MEIOC: variants seen among roughly 807,000 people sequenced by gnomAD.
MEIOC encodes meiosis specific with coiled-coil domain.
In MEIOC, 9 loss-of-function variants were observed where a neutral mutation model predicts 85.3. The observed-to-expected ratio is 0.11, with a 90% CI of 0.06 to 0.18. The LOEUF is 0.18. Among genes scored for constraint, MEIOC ranks in the 10% least tolerant of loss-of-function variants. MEIOC has a pLI of 1.00. For missense variants in MEIOC, 898 were observed against 1,129.4 expected (o/e 0.80, Z 2.94); for synonymous variants, 365 against 393.7 (o/e 0.93, Z 0.86).
In MEIOC at chr17:44,668,002, C is replaced by T. The variant is rs754718819; in HGVS notation, c.2091C>T (p.Gly697=). The change falls in exon 5 of 8, where the codon GGC becomes GGT. Residue 697 remains glycine (G), a synonymous_variant. Transcript: ENST00000409122. ...CCCTAAGATCCACCCACCCATTTGG[C>T]CATTCAGTTGTTCCACTGTTGGATT... ...GFPLRSTHPF[G]HSVVPLLDSY... is the part of the protein sequence containing the mutation. 4 of 1,613,534 alleles carry T rather than the reference C, an allele frequency of 2.5e-6. No individual in the cohort carries two copies. The Admixed American group carries it at 6.7e-5, about 27-fold the overall frequency.
At chr17:44,658,619 A>G (rs1310848558) in intron 2 of MEIOC, among the ~76,000 whole-genome samples, 1 of 150,972 alleles carries the variant, frequency 6.6e-6, no homozygotes, top group African/African-American at 2.4e-5. Context: ...ACATGGCGAA[A>G]CCCCATCTCT....
In MEIOC at chr17:44,667,858, G is replaced by C. The variant is rs1293267360; in HGVS notation, c.1947G>C (p.Thr649=). The C allele has an allele frequency of 6.2e-7, 1 of 1,613,950 alleles. No homozygotes were observed. The highest frequency in any genetic ancestry group is 1.7e-5 in the Admixed American group (1 of 60,002). The change falls in exon 5 of 8, where the codon ACG becomes ACC. Residue 649 remains threonine, a synonymous_variant. Coordinates refer to ENST00000409122, the MANE Select transcript of MEIOC (RefSeq NM_001145080.3). The stretch of plus-strand genomic sequence containing the variant: ...AGGGTCATTCTAATAGCCACAGAAC[G>C]AGAGGTGGAGACAATAGCCGTGTGA... ...ESQGHSNSHR[T]RGGDNSRVNR... is the part of the protein sequence containing the mutation.
At chr17:44,665,550 T>G in intron 4 of MEIOC, 62 bp downstream of exon 4, 1 of 751,206 alleles carries the variant, frequency 1.3e-6, no homozygotes, top group Non-Finnish European at 1.9e-6. Flanking sequence ...TAGTTTACCC[T>G]GTTTATTAAC....
intron 2 of MEIOC, among the ~76,000 whole-genome samples, chr17:44,658,934 TC>T (rs1568131717): frequency 6.6e-6 from 1 of 152,170 alleles, no homozygotes; most frequent in African/African-American, 2.4e-5. Flanking sequence ...ATGTTTTTTT[TC>T]GTTCAGGCAT....
rs948734128 is a variant in MEIOC, at chr17:44,675,476, TGTTA to T, written c.*1283_*1286del. ...TGACTAGAAACACTGATGTTTTAAA[TGTTA>T]GTGTTTTTCTTAGTTTTAGAAATTC... On this transcript the variant is annotated 3_prime_UTR_variant, in exon 8 of 8. Coordinates refer to ENST00000409122, the MANE Select transcript of MEIOC (RefSeq NM_001145080.3). The T allele has an allele frequency of 5.9e-5, 57 of 960,906 alleles. No homozygotes were observed. Among genetic ancestry groups the T allele is most frequent in the Non-Finnish European group, 6.6e-5 (53 of 807,788 alleles). The allele number at this position is 960,906 out of a possible 1,614,324, so 59.5% of individuals were successfully genotyped here. A position where few individuals can be genotyped will look rare whatever the true frequency, so the allele number is the denominator to read the frequency against.
At chr17:44,673,135 C>G (rs1000745979) in intron 6 of MEIOC, 1 of 402,334 alleles carries the variant, frequency 2.5e-6, no homozygotes. Context: ...TTCATTGATG[C>G]TTATTTTCAG....
At chr17:44,664,117 T>G (rs1013572876) in intron 3 of MEIOC, among the ~76,000 whole-genome samples, 9 of 152,224 alleles carry the variant, frequency 5.9e-5, no homozygotes, top group Non-Finnish European at 1.3e-4. Flanking sequence ...ACGCCTGTAA[T>G]CCCAGCACTT....
At chr17:44,670,893 G>A (rs970434192) in intron 6 of MEIOC, 1 of 151,830 alleles carries the variant, frequency 6.6e-6, no homozygotes, top group Non-Finnish European at 1.5e-5. Context: ...AAGAATCCTC[G>A]TTAAGTCATT....
In MEIOC at chr17:44,667,782, A is replaced by T. The variant is rs765322147; in HGVS notation, c.1871A>T (p.Lys624Met). ...CATTATGATCCTGAGGAAGGTCCAAAGCATTTAGATGGCTTATCACAAAAT... is the reference window on the plus strand; with the variant it reads ...CATTATGATCCTGAGGAAGGTCCAATGCATTTAGATGGCTTATCACAAAAT... ...SGHYDPEEGP[K>M]HLDGLSQNTY... is the part of the protein sequence containing the mutation. The change falls in exon 5 of 8, where the codon AAG becomes ATG. Residue 624 changes from lysine to methionine, a missense_variant. Around this residue, in one of 2 missense-constraint regions of MEIOC, gnomAD observed 734 missense variants for 860.1 expected, o/e 0.85. Coordinates refer to ENST00000409122, the MANE Select transcript of MEIOC (RefSeq NM_001145080.3). 12 of 1,613,850 alleles carry T rather than the reference A, an allele frequency of 7.4e-6. No homozygotes were observed. The highest frequency in any genetic ancestry group is 1.0e-5 in the Non-Finnish European group (12 of 1,179,866).
At position 44,665,507 on chromosome 17, in the gene MEIOC, T is replaced by G; in HGVS notation, c.464+19T>G. 1 of 1,380,462 alleles carries G rather than the reference T, an allele frequency of 7.2e-7. No individual in the cohort carries two copies. Among genetic ancestry groups the G allele is most frequent in the Non-Finnish European group, 9.9e-7 (1 of 1,014,834 alleles). The allele number at this position is 1,380,462 out of a possible 1,614,324, so 85.5% of individuals were successfully genotyped here. On this transcript the variant is annotated intron_variant, in intron 4 of 7. Coordinates refer to ENST00000409122, the MANE Select transcript of MEIOC (RefSeq NM_001145080.3). ...CTGAAGGGTTAGTATATAATCTATA[T>G]AGTATATAACAGGCTTTTAAACTAA...
chr17:44,662,253 T>A, intron 2 of MEIOC, 64 bp from the exon 3 acceptor site: 1 of 1,230,652 alleles, frequency 8.1e-7, no homozygotes, highest in Non-Finnish European at 1.1e-6. Context: ...CTTTCTTATT[T>A]TTCTCATATT....
At chr17:44,672,543 A>G (rs1313781261) in intron 6 of MEIOC, among the ~76,000 whole-genome samples, 8 of 152,190 alleles carry the variant, frequency 5.3e-5, no homozygotes, top group Non-Finnish European at 7.4e-5. Flanking sequence ...ATATTCTCCA[A>G]TCAGTGAACA....
At chr17:44,656,772 G>C in intron 1 of MEIOC, 90 bp downstream of exon 1, 1 of 1,041,498 alleles carries the variant, frequency 9.6e-7, no homozygotes, top group Non-Finnish European at 1.3e-6. Context: ...CGCGTCCCTA[G>C]ACGGGGCGGC....
In MEIOC at chr17:44,668,242, A is replaced by G. The variant is rs749762084; in HGVS notation, c.2322+9A>G. On this transcript the variant is annotated intron_variant, in intron 5 of 7. Transcript: ENST00000409122. The stretch of plus-strand genomic sequence containing the variant: ...AAAAAGAGAGAAAAAAGGTAACACA[A>G]AGTTAACCACTTAGGAATAACAGTA... 6.3e-7 allele frequency: 1 copy of G among 1,583,856 alleles called. No homozygotes were observed. The highest frequency in any genetic ancestry group is 8.6e-7 in the Non-Finnish European group (1 of 1,167,726).
At chr17:44,662,076 G>C (rs1262067188) in intron 2 of MEIOC, among the ~76,000 whole-genome samples, 1 of 152,196 alleles carries the variant, frequency 6.6e-6, no homozygotes, top group Non-Finnish European at 1.5e-5. Context: ...TGCAGCATTA[G>C]AGTTGAAGAG....
intron 3 of MEIOC, chr17:44,665,137 G>A: frequency 9.7e-7 from 1 of 1,035,584 alleles, no homozygotes; most frequent in Non-Finnish European, 1.2e-6. Context: ...AGAAATAAGA[G>A]GTAAGCATGC....
At chr17:44,670,143 G>C (rs1296434057) in intron 6 of MEIOC, 2 of 151,504 alleles carry the variant, frequency 1.3e-5, no homozygotes, top group Non-Finnish European at 2.9e-5. Context: ...GGTGTCACAT[G>C]CTTATGCTAC....
At chr17:44,669,338 A>G (rs1433776401) in intron 5 of MEIOC, 45 bp from the exon 6 acceptor site, 1 of 1,444,674 alleles carries the variant, frequency 6.9e-7, no homozygotes, top group African/African-American at 1.4e-5. Context: ...TGGTCGAATC[A>G]TATTTAGAAA....
chr17:44,662,218 A>G (rs1971851370), intron 2 of MEIOC, 99 bp from the exon 3 acceptor site: 1 of 935,504 alleles, frequency 1.1e-6, no homozygotes, highest in African/African-American at 1.7e-5. Flanking sequence ...TAATTCTCCC[A>G]ACTCTTACAT....
Sources: gnomAD v4.1 joint callset for allele counts (sites outside exome capture counted in the v4.1 genomes callset) on GRCh38, gnomAD v4.1.1 for gene constraint, gnomAD v4.1.1 regional missense constraint, MANE v1.5 for transcripts, NCBI Gene and HGNC (gene_info 2026-07-23, HGNC 2026-07-21) for gene names.